The following CAMTA1 variants were observed in gnomAD, a reference collection of about 807,000 sequenced individuals.
CAMTA1 encodes calmodulin binding transcription activator 1.
In CAMTA1, 27 loss-of-function variants were observed where a neutral mutation model predicts 170.9. The ratio of observed to expected loss-of-function variants is 0.16; its 90% CI spans 0.12 to 0.22. The LOEUF (loss-of-function observed/expected upper bound fraction) is 0.22. Among genes scored for constraint, CAMTA1 ranks in the 10% least tolerant of loss-of-function variants. The pLI is 1.00. For missense variants in CAMTA1, 1,619 were observed against 2,217.2 expected (o/e 0.73, Z 5.42); for synonymous variants, 833 against 891.5 (o/e 0.93, Z 1.17).
At chr1:6,797,751 C>T (rs1053222790) in intron 1 of CAMTA1, among the ~76,000 whole-genome samples, 1 of 152,038 alleles carries the variant, frequency 6.6e-6, no homozygotes, top group Admixed American at 6.5e-5. Context: ...TTAAATGAAA[C>T]TAGAGCTTTG....
chr1:6,796,724 C>T (rs894669729), intron 1 of CAMTA1, among the ~76,000 whole-genome samples: 3 of 152,036 alleles, frequency 2.0e-5, no homozygotes, highest in Non-Finnish European at 2.9e-5. Flanking sequence ...CTGTTGACTC[C>T]GGTTTCTCCT....
intron 4 of CAMTA1, among the ~76,000 whole-genome samples, chr1:7,184,996 T>C (rs1226016002): frequency 6.6e-6 from 1 of 152,148 alleles, no homozygotes; most frequent in Non-Finnish European, 1.5e-5. Context: ...GGATTAGCAG[T>C]TCTGAAATGA....
chr1:7,017,924 G>C (rs1700784752), intron 3 of CAMTA1, among the ~76,000 whole-genome samples: 1 of 152,054 alleles, frequency 6.6e-6, no homozygotes, highest in Admixed American at 6.5e-5. Flanking sequence ...TGAGTGTTGA[G>C]GGCCTGCTCC....
chr1:7,335,348 A>G (rs775632919), intron 5 of CAMTA1, among the ~76,000 whole-genome samples: 2 of 152,200 alleles, frequency 1.3e-5, no homozygotes, highest in Non-Finnish European at 2.9e-5. Context: ...TACCAGTAGC[A>G]CATTCCTATC....
intron 5 of CAMTA1, among the ~76,000 whole-genome samples, chr1:7,372,496 T>C (rs1329656781): frequency 2.6e-5 from 4 of 152,252 alleles, no homozygotes; most frequent in Admixed American, 1.3e-4. Flanking sequence ...GGGCTGGGTC[T>C]GTTGCAGGCT....
chr1:7,499,941 TGA>T (rs1225763602), intron 6 of CAMTA1, among the ~76,000 whole-genome samples: 1 of 136,394 alleles, frequency 7.3e-6, no homozygotes. Flanking sequence ...GCAGAGAGGA[TGA>T]GTGTGTGGAG....
chr1:7,310,609 T>C (rs190167147), intron 5 of CAMTA1, among the ~76,000 whole-genome samples: 1 of 5,230 alleles, frequency 1.9e-4, no homozygotes. Context: ...CTTTTCTTTC[T>C]TTCTTTCTTT....
In CAMTA1 at chr1:7,768,816, T is replaced by C. The variant is rs1239752778; in HGVS notation, c.*2325T>C. The C allele has an allele frequency of 6.6e-6, 1 of 152,504 alleles. No individual in the cohort carries two copies. The highest frequency in any genetic ancestry group is 1.5e-5 in the Non-Finnish European group (1 of 68,024). 9.4% of individuals were successfully genotyped at this position (152,504 alleles called of 1,614,324 possible). On this transcript the variant is annotated 3_prime_UTR_variant, in exon 23 of 23. Transcript: ENST00000303635. ...CTATTATTTTACACAATTTGACCTA[T>C]AGGAGGACACTGAGTAATTTACAAA...
In CAMTA1 at chr1:7,671,019, C is replaced by A. The variant is rs779771364; in HGVS notation, c.2761C>A (p.Leu921Met). 1 of 1,613,560 alleles carries A rather than the reference C, an allele frequency of 6.2e-7. No homozygotes were observed. Among genetic ancestry groups the A allele is most frequent in the South Asian group, 1.1e-5 (1 of 91,074 alleles). The part of the protein sequence containing the change: ...VPASLIQPGV[L>M]RCYCPAHDTG... ...TGCATCCCTGATTCAGCCTGGGGTG[C>A]TGCGCTGCTACTGCCCAGGTGAGAA... Residue 921 changes from leucine to methionine, a missense_variant, in exon 10 of 23, where the codon CTG becomes ATG. Transcript: ENST00000303635.
rs185100114 is a variant in CAMTA1, at chr1:7,011,567, C to G, written c.235-79737C>G. ...CCCTCTCCTCATTCCAGACCCAGCT[C>G]TGGCATCACTCTTCTAGAGGTGGTC... On this transcript the variant is annotated intron_variant, in intron 3 of 22. Transcript: ENST00000303635. Among the ~76,000 whole-genome samples, 16 of 152,340 alleles carry G rather than the reference C, an allele frequency of 1.1e-4. No individual in the cohort carries two copies. In the East Asian group the frequency reaches 2.7e-3, roughly 26 times the overall value.
intron 11 of CAMTA1, among the ~76,000 whole-genome samples, chr1:7,720,402 G>T (rs961324012): frequency 6.6e-6 from 1 of 152,078 alleles, no homozygotes; most frequent in African/African-American, 2.4e-5. Context: ...TTGTTTTTGA[G>T]GCAGAGTCTC....
chr1:7,513,960 CACAT>C (rs924997229), intron 6 of CAMTA1, among the ~76,000 whole-genome samples: 3 of 151,708 alleles, frequency 2.0e-5, no homozygotes, highest in African/African-American at 4.8e-5. Flanking sequence ...CACACACACA[CACAT>C]ACACACACAA....
At chr1:6,886,165 C>A (rs1571378117) in intron 3 of CAMTA1, 1 of 438,722 alleles carries the variant, frequency 2.3e-6, no homozygotes, top group Non-Finnish European at 4.6e-6. Context: ...GGGTAACATA[C>A]CTTCAAGCCC....
rs562584018 is a variant in CAMTA1 at position 7,230,669 on chromosome 1, G to T, written c.303-18822G>T. On this transcript the variant is annotated intron_variant, in intron 4 of 22. Transcript: ENST00000303635. ...GGAGGGTTATCCCTCAGGCTCTTCA[G>T]CTCGGGAGCCCATGCCGGAGAGATC... Among the ~76,000 whole-genome samples the T allele has an allele frequency of 6.6e-5, 10 of 152,302 alleles. No homozygotes were observed. The South Asian group carries it at 2.1e-3, about 32-fold the overall frequency.
At chr1:7,622,873 C>T (rs2150781711) in intron 6 of CAMTA1, among the ~76,000 whole-genome samples, 1 of 152,374 alleles carries the variant, frequency 6.6e-6, no homozygotes, top group African/African-American at 2.4e-5. Context: ...CTTGGCTTTC[C>T]AGACTGAACC....
At position 7,580,019 on chromosome 1, in the gene CAMTA1, C is replaced by A. The variant is rs1045738781; in HGVS notation, c.511-60381C>A. Among the ~76,000 whole-genome samples, 10 of 152,250 alleles carry A rather than the reference C, an allele frequency of 6.6e-5. No homozygotes were observed. The highest frequency in any genetic ancestry group is 2.4e-4 in the African/African-American group (10 of 41,466). ...ACTTGGGGCAGCTCAGCTGAATCCA[C>A]CCTCTCTCCGGTCAACTCACAACTC... On this transcript the variant is annotated intron_variant, in intron 6 of 22. Coordinates refer to ENST00000303635, the MANE Select transcript of CAMTA1 (RefSeq NM_015215.4). This position sits in a 1 kb window ranked among gnomAD's most constrained non-coding sequence, Gnocchi z 4.3.
intron 5 of CAMTA1, among the ~76,000 whole-genome samples, chr1:7,374,353 C>A (rs943057109): frequency 1.1e-4 from 16 of 152,236 alleles, no homozygotes; most frequent in African/African-American, 3.9e-4. Context: ...AGAGTAATAG[C>A]TTCAAACTGG....
chr1:7,656,759 G>A (rs946770857), intron 7 of CAMTA1, among the ~76,000 whole-genome samples: 7 of 152,224 alleles, frequency 4.6e-5, no homozygotes, highest in Admixed American at 1.3e-4. Flanking sequence ...TTTTCCCAGC[G>A]GTTGGCCGCC....
At chr1:7,123,752 C>A (rs976304659) in intron 4 of CAMTA1, among the ~76,000 whole-genome samples, 8 of 152,272 alleles carry the variant, frequency 5.3e-5, no homozygotes, top group Admixed American at 1.3e-4. Context: ...TTGTCACCCC[C>A]ACAGCCCCTC....
Sources: allele counts gnomAD v4.1 joint callset (sites outside exome capture counted in the v4.1 genomes callset), GRCh38; gene constraint gnomAD v4.1.1; non-coding constraint Gnocchi (gnomAD v3.1); transcripts MANE v1.5; gene names NCBI Gene and HGNC (gene_info 2026-07-23, HGNC 2026-07-21).